POLH: variants seen among roughly 807,000 people sequenced by gnomAD.
The protein encoded by POLH is DNA polymerase eta, also known as DNA polymerase eta transcript.
Under a neutral mutation model 73.6 loss-of-function variants are expected in POLH, and 53 were observed. The observed-to-expected ratio is 0.72, with a 90% CI of 0.58 to 0.91. The LOEUF (loss-of-function observed/expected upper bound fraction) is 0.91, where lower values mean the gene tolerates loss of function less well. Ranked by LOEUF, POLH falls within the 40% of genes least tolerant of loss-of-function variation. The probability of loss-of-function intolerance (pLI) is 0.00; values close to 1 mark genes in which losing one functional copy is unlikely to be tolerated. For missense variants in POLH, 768 were observed against 865.4 expected, an observed-to-expected ratio of 0.89 and a Z score of 1.41; for synonymous variants, 292 against 308.5, an observed-to-expected ratio of 0.95 and a Z score of 0.56.
intron 7 of POLH, 103 bp from the exon 8 acceptor site, chr6:43,604,512 T>C: frequency 7.5e-7 from 1 of 1,332,312 alleles, no homozygotes; most frequent in East Asian, 2.4e-5. Flanking sequence ...GTTTTCCTTT[T>C]TCATGAAAAA....
chr6:43,579,301 G>C (rs1232888706), intron 1 of POLH, among the ~76,000 whole-genome samples: 2 of 152,224 alleles, frequency 1.3e-5, no homozygotes, highest in Non-Finnish European at 2.9e-5. Flanking sequence ...TACCCAGAGA[G>C]GCCAGGAAGA....
chr6:43,580,881 C>T (rs1419571508), intron 1 of POLH, among the ~76,000 whole-genome samples: 110 of 143,440 alleles, frequency 7.7e-4, no homozygotes, highest in African/African-American at 1.6e-3. Context: ...GGCGGCTGGC[C>T]GGGCGGAGGG....
At chr6:43,593,896 A>G (rs9349258) in intron 4 of POLH, among the ~76,000 whole-genome samples, 15,987 of 144,786 alleles carry the variant, frequency 0.11, 1,060 homozygotes, top group East Asian at 0.27. Flanking sequence ...AAAAAAAAAA[A>G]AAAGAAAGAA....
chr6:43,605,769 A>G (rs1767218930), intron 9 of POLH, among the ~76,000 whole-genome samples: 1 of 151,992 alleles, frequency 6.6e-6, no homozygotes, highest in Non-Finnish European at 1.5e-5. Context: ...CCCAGGCTGG[A>G]GTGCAGTGGC....
chr6:43,593,117 G>A (rs1041015145), intron 4 of POLH, among the ~76,000 whole-genome samples: 5 of 152,186 alleles, frequency 3.3e-5, no homozygotes, highest in Non-Finnish European at 7.3e-5. Flanking sequence ...TCCCACTTGA[G>A]GCTTCCAAGT....
Position 43,618,265 on chromosome 6 carries a change from C to T in POLH, c.*3708C>T, listed in dbSNP as rs1177834920. On this transcript the variant is annotated 3_prime_UTR_variant, in exon 11 of 11. Transcript: ENST00000372236. Reference sequence around the variant, plus strand: ...CCGTCTCTCGGGTTCAAGCAATTCTCCTGCCTCAGCTTCCCGAATAGCTGA... The same window carrying T: ...CCGTCTCTCGGGTTCAAGCAATTCTTCTGCCTCAGCTTCCCGAATAGCTGA... Among the ~76,000 whole-genome samples the T allele has an allele frequency of 6.6e-6, 1 of 151,960 alleles. No homozygotes were observed. The highest frequency in any genetic ancestry group is 1.5e-5 in the Non-Finnish European group (1 of 68,002).
intron 6 of POLH, among the ~76,000 whole-genome samples, chr6:43,602,520 A>G (rs1450437557): frequency 1.3e-5 from 2 of 152,218 alleles, no homozygotes; most frequent in Non-Finnish European, 2.9e-5. Context: ...AGAACTTTTT[A>G]GCACAAAGAA....
chr6:43,602,696 C>G (rs547711651), intron 6 of POLH, among the ~76,000 whole-genome samples: 2 of 151,750 alleles, frequency 1.3e-5, no homozygotes, highest in Admixed American at 6.6e-5. Flanking sequence ...TGAGACAAGT[C>G]TTGCTCTGTT....
intron 5 of POLH, among the ~76,000 whole-genome samples, chr6:43,600,369 A>C (rs1266445133): frequency 1.3e-5 from 2 of 152,088 alleles, no homozygotes; most frequent in Non-Finnish European, 2.9e-5. Context: ...CAGTGAGCCA[A>C]GATCACGCCA....
At chr6:43,581,478 T>G (rs926832779) in intron 1 of POLH, among the ~76,000 whole-genome samples, 2 of 143,846 alleles carry the variant, frequency 1.4e-5, no homozygotes, top group Non-Finnish European at 3.1e-5. Flanking sequence ...CACTCCTCAC[T>G]TCCCAGACGG....
At chr6:43,591,749 C>T (rs1267578953) in intron 4 of POLH, among the ~76,000 whole-genome samples, 2 of 151,944 alleles carry the variant, frequency 1.3e-5, no homozygotes, top group East Asian at 1.9e-4. Flanking sequence ...TGCTGGCCTC[C>T]GAAAAATTTG....
At chr6:43,608,726 C>T (rs917740833) in intron 9 of POLH, among the ~76,000 whole-genome samples, 3 of 152,154 alleles carry the variant, frequency 2.0e-5, no homozygotes, top group African/African-American at 7.2e-5. Context: ...GTGGGGATCC[C>T]TGAAAATCTA....
At chr6:43,606,015 C>T (rs1479532231) in intron 9 of POLH, among the ~76,000 whole-genome samples, 5 of 152,130 alleles carry the variant, frequency 3.3e-5, no homozygotes, top group Admixed American at 2.0e-4. Flanking sequence ...TAAGCCACCA[C>T]GCCCAGCCAG....
rs781354148 is a variant in POLH at position 43,587,367 on chromosome 6, G to A, written c.368G>A (p.Ser123Asn). Residue 123 changes from serine (S) to asparagine (N), a missense_variant, in exon 4 of 11, where the codon AGT becomes AAT. Coordinates refer to ENST00000372236, the MANE Select transcript of POLH (RefSeq NM_006502.3). The stretch of plus-strand genomic sequence containing the variant: ...GATGAGGCTTACGTAGATCTGACCA[G>A]TGCTGTACAAGAGAGACTACAAAAG... ...SIDEAYVDLT[S>N]AVQERLQKLQ... The A allele has an allele frequency of 1.2e-6, 2 of 1,614,018 alleles. No homozygotes were observed. The highest frequency in any genetic ancestry group is 1.1e-5 in the South Asian group (1 of 91,086).
chr6:43,601,775 T>C (rs534490394), intron 6 of POLH, among the ~76,000 whole-genome samples: 7 of 151,600 alleles, frequency 4.6e-5, no homozygotes, highest in Non-Finnish European at 1.0e-4. Context: ...AATAAATAAA[T>C]AGGCCGGGTG....
rs1445866493 is a variant in POLH, at chr6:43,585,717, C to T, written c.273-1555C>T. Among the ~76,000 whole-genome samples, 29 of 148,450 alleles carry T rather than the reference C, an allele frequency of 2.0e-4. 1 individual carries two copies. The highest frequency in any genetic ancestry group is 4.4e-5 in the Non-Finnish European group (3 of 67,678). ...CTAGGGTGCAATGGTGCAATCTCGG[C>T]TCACCACAACCTCCATCTCTTGGAT... On this transcript the variant is annotated intron_variant, in intron 3 of 10. Coordinates refer to ENST00000372236, the MANE Select transcript of POLH (RefSeq NM_006502.3).
Position 43,618,925 on chromosome 6 carries a change from C to T in POLH, c.*4368C>T, listed in dbSNP as rs764661120. 4.1e-4 allele frequency among the ~76,000 whole-genome samples: 62 copies of T among 149,920 alleles called. No homozygotes were observed. Among genetic ancestry groups the T allele is most frequent in the Non-Finnish European group, 8.1e-4 (55 of 67,774 alleles). On this transcript the variant is annotated 3_prime_UTR_variant, in exon 11 of 11. Coordinates refer to ENST00000372236, the MANE Select transcript of POLH (RefSeq NM_006502.3). ...GGATTACAGGCCTGAGCCACCAGGC[C>T]AGCCCCAACTTCTACTTTTTATTTT...
chr6:43,581,805 A>G (rs1764290450), intron 1 of POLH, among the ~76,000 whole-genome samples: 1 of 150,764 alleles, frequency 6.6e-6, no homozygotes, highest in South Asian at 2.1e-4. Flanking sequence ...CGCGCCAACC[A>G]CCACCCGCGG....
At chr6:43,583,419 C>T (rs2127774253) in intron 3 of POLH, among the ~76,000 whole-genome samples, 1 of 152,246 alleles carries the variant, frequency 6.6e-6, no homozygotes, top group African/African-American at 2.4e-5. Context: ...AATACCAATT[C>T]CCATGTTCTC....
Sources: allele counts gnomAD v4.1 joint callset (sites outside exome capture counted in the v4.1 genomes callset), GRCh38; gene constraint gnomAD v4.1.1; transcripts MANE v1.5; gene names NCBI Gene and HGNC (gene_info 2026-07-23, HGNC 2026-07-21).